The following DMD variants were observed in gnomAD, a reference collection of about 807,000 sequenced individuals.
DMD encodes mutant dystrophin.
A neutral mutation model predicts 330.1 loss-of-function variants in DMD; 63 were observed. The observed-to-expected ratio is 0.19, with a 90% CI of 0.16 to 0.24. DMD has a LOEUF of 0.24. Among genes scored for constraint, DMD ranks in the 10% least tolerant of loss-of-function variants. DMD has a pLI of 1.00. For missense variants in DMD, 3,344 were observed against 2,684.1 expected (o/e 1.25, Z -5.43); for synonymous variants, 1,223 against 959.8 (o/e 1.27, Z -5.07).
intron 15 of DMD, among the ~76,000 whole-genome samples, chrX:32,566,604 T>C (rs1342667501): frequency 8.9e-6 from 1 of 112,512 alleles, no homozygotes; most frequent in Non-Finnish European, 1.9e-5. Context: ...TCAGAGTTTA[T>C]AAATACTTAT....
chrX:32,141,272 A>G (rs1262613081), intron 44 of DMD, among the ~76,000 whole-genome samples: 1 of 32,622 alleles, frequency 3.1e-5, no homozygotes, highest in Non-Finnish European at 5.5e-5. Flanking sequence ...CTAAAAATAC[A>G]AAAAAAAAAA....
At chrX:32,808,606 C>G in intron 7 of DMD, among the ~76,000 whole-genome samples, 1 of 111,307 alleles carries the variant, frequency 9.0e-6, no homozygotes, top group East Asian at 2.8e-4. Flanking sequence ...ATGGGACCTA[C>G]CATCCATATT....
intron 59 of DMD, among the ~76,000 whole-genome samples, chrX:31,473,365 C>CA (rs34932280): frequency 0.11 from 8,655 of 78,843 alleles, 678 homozygotes; most frequent in African/African-American, 0.25. Flanking sequence ...GAGACTGTCT[C>CA]AAAAAAAAAA....
At chrX:32,481,457 C>T (rs1005718955) in intron 21 of DMD, among the ~76,000 whole-genome samples, 2 of 111,178 alleles carry the variant, frequency 1.8e-5, no homozygotes, top group Non-Finnish European at 3.8e-5. Flanking sequence ...GAAATTCTTT[C>T]GGAAATGTCT....
In DMD at chrX:33,009,391, T is replaced by TACAC. The variant is rs1437811117; in HGVS notation, c.93+10747_93+10748insGTGT. 1.7e-3 allele frequency among the ~76,000 whole-genome samples: 151 copies of TACAC among 86,616 alleles called. 29 individuals carry two copies. Among genetic ancestry groups the TACAC allele is most frequent in the African/African-American group, 6.3e-3 (137 of 21,729 alleles). The allele number at this position is 86,616 out of a possible 115,157, so 75.2% of individuals were successfully genotyped here. On this transcript the variant is annotated intron_variant, in intron 2 of 78. Coordinates refer to ENST00000357033, the MANE Select transcript of DMD (RefSeq NM_004006.3). ...GTATATGTGTATATACACGTGTATA[T>TACAC]ATGTGTGTATATGTGTATATACACA...
intron 43 of DMD, among the ~76,000 whole-genome samples, chrX:32,232,261 T>C (rs1177189864): frequency 8.9e-6 from 1 of 112,073 alleles, no homozygotes; most frequent in Non-Finnish European, 1.9e-5. Context: ...CTTATAAAAA[T>C]AGAGATACAG....
At chrX:31,643,557 A>G (rs1275368558) in intron 54 of DMD, among the ~76,000 whole-genome samples, 1 of 112,157 alleles carries the variant, frequency 8.9e-6, no homozygotes. Flanking sequence ...TGTAATTTTG[A>G]TGTTAGAACT....
chrX:31,415,883 G>T (rs1195083473), intron 60 of DMD, among the ~76,000 whole-genome samples: 1 of 110,845 alleles, frequency 9.0e-6, no homozygotes, highest in Admixed American at 9.8e-5. Context: ...AGCTGCCCAG[G>T]GGATTCTGAT....
intron 45 of DMD, among the ~76,000 whole-genome samples, chrX:31,939,785 T>G (rs1179320599): frequency 2.7e-5 from 3 of 111,875 alleles, no homozygotes; most frequent in Non-Finnish European, 5.6e-5. Context: ...AAAGTATTTA[T>G]AAAACATTAT....
intron 48 of DMD, among the ~76,000 whole-genome samples, chrX:31,862,663 A>G (rs763383310): frequency 8.9e-5 from 10 of 112,500 alleles, no homozygotes; most frequent in Non-Finnish European, 1.9e-4. Context: ...AACCTGCGTT[A>G]TATTCTTTGG....
chrX:32,121,916 C>T (rs1294520150), intron 44 of DMD, among the ~76,000 whole-genome samples: 4 of 109,576 alleles, frequency 3.7e-5, no homozygotes, highest in African/African-American at 1.3e-4. Context: ...TGTCCAACCA[C>T]TACAAAGTAA....
intron 1 of DMD, among the ~76,000 whole-genome samples, chrX:33,070,669 C>CTATA (rs2094736229): frequency 3.1e-4 from 14 of 45,652 alleles, no homozygotes; most frequent in African/African-American, 1.2e-3. Context: ...CTCTCTCTCT[C>CTATA]TCTCTATATA....
At chrX:31,237,217 G>C (rs1249563025) in intron 63 of DMD, among the ~76,000 whole-genome samples, 1 of 112,461 alleles carries the variant, frequency 8.9e-6, no homozygotes, top group Non-Finnish European at 1.9e-5. Flanking sequence ...TGCTGTTTGA[G>C]AGGTGCAAGA....
chrX:32,340,127 TCTAC>T (rs776706734), intron 41 of DMD, among the ~76,000 whole-genome samples: 2 of 111,848 alleles, frequency 1.8e-5, no homozygotes, highest in Admixed American at 9.5e-5. Flanking sequence ...TGTCTATCTA[TCTAC>T]CTACCAACCT....
chrX:31,895,022 T>C (rs759831071), intron 47 of DMD, among the ~76,000 whole-genome samples: 2 of 111,917 alleles, frequency 1.8e-5, no homozygotes, highest in East Asian at 5.7e-4. Context: ...CCAGGCAGTA[T>C]GCTAGGTAAA....
At chrX:32,344,134 T>G (rs2147004068) in intron 39 of DMD, among the ~76,000 whole-genome samples, 1 of 112,476 alleles carries the variant, frequency 8.9e-6, no homozygotes, top group Admixed American at 9.4e-5. Flanking sequence ...TTAATAGAAT[T>G]ACTCAAAATG....
At position 32,438,833 on chromosome X, in the gene DMD, G is replaced by T. The variant is rs144588771; in HGVS notation, c.3922-443C>A. 2.2e-3 allele frequency among the ~76,000 whole-genome samples: 242 copies of T among 111,539 alleles called. 4 individuals are homozygous for T. In the South Asian group the frequency reaches 0.048, roughly 22 times the overall value. Reference sequence around the variant, plus strand: ...ATAACAATCATCTTTGCACTGGGAGGCAATGACTTTGAGTGTGAGGTCCTT... The same window carrying T: ...ATAACAATCATCTTTGCACTGGGAGTCAATGACTTTGAGTGTGAGGTCCTT... On this transcript the variant is annotated intron_variant, in intron 28 of 78. Coordinates refer to ENST00000357033, the MANE Select transcript of DMD (RefSeq NM_004006.3).
intron 1 of DMD, among the ~76,000 whole-genome samples, chrX:33,328,604 A>G (rs1351158511): frequency 1.8e-5 from 2 of 111,625 alleles, no homozygotes; most frequent in African/African-American, 3.3e-5. Context: ...TATACTTGCT[A>G]TTAAAATTAC....
intron 60 of DMD, among the ~76,000 whole-genome samples, chrX:31,380,546 C>T (rs1355150523): frequency 1.8e-5 from 2 of 111,378 alleles, no homozygotes; most frequent in African/African-American, 6.5e-5. Context: ...TCGCCTGCTA[C>T]AGCATGGCCT....
Sources: gnomAD v4.1 joint callset for allele counts (sites outside exome capture counted in the v4.1 genomes callset) on GRCh38, gnomAD v4.1.1 for gene constraint, MANE v1.5 for transcripts, NCBI Gene and HGNC (gene_info 2026-07-23, HGNC 2026-07-21) for gene names.